Variants in MS4A12 observed in about 807,000 individuals in gnomAD.
MS4A12 encodes the protein membrane spanning 4-domains A12.
A neutral mutation model predicts 23.7 loss-of-function variants in MS4A12; 28 were observed. That is an observed-to-expected ratio of 1.18 (90% CI 0.88 to 1.62). The LOEUF (loss-of-function observed/expected upper bound fraction) is 1.62. Among genes scored for constraint, MS4A12 ranks in the 40% most tolerant of loss-of-function variants. MS4A12 has a pLI of 0.00. For missense variants in MS4A12, 342 were observed against 327.0 expected, an observed-to-expected ratio of 1.05 and a Z score of -0.35; for synonymous variants, 108 against 110.1, an observed-to-expected ratio of 0.98 and a Z score of 0.12.
At chr11:60,497,983 A>C (rs746171556) in intron 2 of MS4A12, 2 of 182,364 alleles carry the variant, frequency 1.1e-5, no homozygotes, top group Non-Finnish European at 2.3e-5. Context: ...GCCCCCAGAA[A>C]AGGAAACTAC....
intron 1 of MS4A12, among the ~76,000 whole-genome samples, chr11:60,495,102 C>T (rs960584298): frequency 3.6e-4 from 54 of 151,642 alleles, no homozygotes; most frequent in African/African-American, 1.3e-3. Flanking sequence ...ACACCATTCT[C>T]CTGCCTCAGC....
intron 5 of MS4A12, among the ~76,000 whole-genome samples, chr11:60,504,897 G>A (rs975056585): frequency 6.6e-6 from 1 of 152,008 alleles, no homozygotes; most frequent in African/African-American, 2.4e-5. Flanking sequence ...TCTTTGAAGT[G>A]TCAGTAGTTT....
At chr11:60,497,274 G>T in intron 1 of MS4A12, 39 bp from the exon 2 acceptor site, 1 of 1,549,734 alleles carries the variant, frequency 6.5e-7, no homozygotes, top group South Asian at 1.2e-5. Context: ...TTTCTTTTCT[G>T]GATAAACGTA....
chr11:60,499,799 A>G (rs17615581), intron 2 of MS4A12, among the ~76,000 whole-genome samples: 40,462 of 152,134 alleles, frequency 0.27, 6,838 homozygotes, highest in Non-Finnish European at 0.36. Context: ...CAAATCTACA[A>G]TCAAGTTTTG....
At chr11:60,504,267 T>G (rs1362918899) in intron 5 of MS4A12, among the ~76,000 whole-genome samples, 2 of 152,174 alleles carry the variant, frequency 1.3e-5, no homozygotes, top group Non-Finnish European at 2.9e-5. Context: ...AATTGCAAAA[T>G]GAAGCACGTA....
At chr11:60,494,376 G>A (rs891233260) in intron 1 of MS4A12, among the ~76,000 whole-genome samples, 9 of 152,186 alleles carry the variant, frequency 5.9e-5, no homozygotes, top group Middle Eastern at 6.8e-3. Context: ...CAAAAAAAAA[G>A]CAATGATCAA....
At chr11:60,504,030 G>T (rs946811992) in intron 5 of MS4A12, among the ~76,000 whole-genome samples, 12 of 152,172 alleles carry the variant, frequency 7.9e-5, no homozygotes, top group African/African-American at 2.7e-4. Flanking sequence ...TCCTTTATTG[G>T]CCCATCTCAC....
chr11:60,498,326 G>A (rs572285971), intron 2 of MS4A12, among the ~76,000 whole-genome samples: 1 of 152,288 alleles, frequency 6.6e-6, no homozygotes, highest in Admixed American at 6.5e-5. Context: ...TTCCGTAAAT[G>A]AATGCTCATT....
chr11:60,497,830 G>A, intron 2 of MS4A12: 1 of 483,272 alleles, frequency 2.1e-6, no homozygotes, highest in South Asian at 2.6e-5. Context: ...TGGTAATATT[G>A]ACGTGACAGA....
intron 2 of MS4A12, 95 bp downstream of exon 2, chr11:60,497,689 A>C (rs1187601207): frequency 7.4e-7 from 1 of 1,344,020 alleles, no homozygotes; most frequent in East Asian, 2.4e-5. Flanking sequence ...AAAGTTCTGA[A>C]CGTTATTCTG....
At position 60,504,065 on chromosome 11, in the gene MS4A12, AG is replaced by A. The variant is rs556675324; in HGVS notation, c.588+251del. Among the ~76,000 whole-genome samples, 12 of 152,318 alleles carry A rather than the reference AG, an allele frequency of 7.9e-5. No homozygotes were observed. In the East Asian group the frequency reaches 2.3e-3, roughly 29 times the overall value. On this transcript the variant is annotated intron_variant, in intron 5 of 6. Transcript: ENST00000016913. Reference sequence around the variant, plus strand: ...CTGTTAATCACATGAACAATGGGGAAGGGTTTGGATAGGCCTCCATGGCTTC... The same window carrying A: ...CTGTTAATCACATGAACAATGGGGAAGGTTTGGATAGGCCTCCATGGCTTC...
At chr11:60,500,669 A>G (rs2086523627) in intron 2 of MS4A12, among the ~76,000 whole-genome samples, 1 of 152,264 alleles carries the variant, frequency 6.6e-6, no homozygotes, top group Non-Finnish European at 1.5e-5. Flanking sequence ...TGACCCAAGC[A>G]GAGAACTGAT....
At chr11:60,506,622 C>T (rs1003190808) in intron 5 of MS4A12, 106 bp from the exon 6 acceptor site, 32 of 720,720 alleles carry the variant, frequency 4.4e-5, no homozygotes, top group African/African-American at 3.6e-4. Flanking sequence ...AAGCATGGAG[C>T]GAGTTGAGTA....
At chr11:60,502,472 A>G (rs1389985795) in intron 4 of MS4A12, among the ~76,000 whole-genome samples, 1 of 152,054 alleles carries the variant, frequency 6.6e-6, no homozygotes, top group Non-Finnish European at 1.5e-5. Context: ...GCTATTTCCT[A>G]CTCTTACACA....
chr11:60,498,490 C>A (rs552728360), intron 2 of MS4A12, among the ~76,000 whole-genome samples: 1 of 152,104 alleles, frequency 6.6e-6, no homozygotes, highest in Non-Finnish European at 1.5e-5. Flanking sequence ...AGAGGAAATT[C>A]CCTGCTCCTA....
intron 5 of MS4A12, among the ~76,000 whole-genome samples, chr11:60,504,286 T>C (rs549949747): frequency 6.6e-6 from 1 of 152,328 alleles, no homozygotes; most frequent in South Asian, 2.1e-4. Flanking sequence ...TATCTCTGAA[T>C]GTGCTCAAAA....
intron 1 of MS4A12, among the ~76,000 whole-genome samples, chr11:60,494,265 T>A (rs4939375): frequency 6.6e-6 from 1 of 151,406 alleles, no homozygotes; most frequent in Non-Finnish European, 1.5e-5. Context: ...CTATGTGAAA[T>A]TTACAGATCT....
Position 60,503,801 on chromosome 11 carries a change from A to G in MS4A12, c.572A>G (p.Gln191Arg), listed in dbSNP as rs751736928. ...ATGTGCATCAATGGGGTAGCTGGCC[A>G]AGACTACTGGGCCGTGGTAAGTATC... The part of the protein sequence containing the change: ...VDMCINGVAG[Q>R]DYWAVLSGKG... The change falls in exon 5 of 7, where the codon CAA becomes CGA. Residue 191 changes from glutamine (Q) to arginine (R), a missense_variant. Transcript: ENST00000016913. 4 of 1,613,542 alleles carry G rather than the reference A, an allele frequency of 2.5e-6. No individual in the cohort carries two copies. In the African/African-American group the frequency reaches 4.0e-5, roughly 16 times the overall value.
In MS4A12 at chr11:60,501,184, T is replaced by C. The variant is rs1412240079; in HGVS notation, c.414+2T>C. Reference sequence around the variant, plus strand: ...TACCCATTCTGGGGTGGCCTTTCTGTGAGTAGATTGCTAGAACACCAGTCC... The same window carrying C: ...TACCCATTCTGGGGTGGCCTTTCTGCGAGTAGATTGCTAGAACACCAGTCC... On this transcript the variant is annotated splice_donor_variant, in intron 3 of 6. Transcript: ENST00000016913. LOFTEE classifies it high-confidence loss of function. 1.0e-5 allele frequency: 16 copies of C among 1,602,010 alleles called. No individual in the cohort carries two copies. The highest frequency in any genetic ancestry group is 1.4e-5 in the Non-Finnish European group (16 of 1,176,312).
Sources: allele counts gnomAD v4.1 joint callset (sites outside exome capture counted in the v4.1 genomes callset), GRCh38; gene constraint gnomAD v4.1.1; transcripts MANE v1.5; gene names NCBI Gene and HGNC (gene_info 2026-07-23, HGNC 2026-07-21).